MYH10: variants seen among roughly 807,000 people sequenced by gnomAD.
The protein encoded by MYH10 is myosin heavy chain 10.
Under a neutral mutation model 257.8 loss-of-function variants are expected in MYH10, and 55 were observed. The observed-to-expected ratio is 0.21, with a 90% CI of 0.17 to 0.27. The LOEUF is 0.27. Among genes scored for constraint, MYH10 ranks in the 10% least tolerant of loss-of-function variants. MYH10 has a pLI of 1.00. For missense variants in MYH10, 1,631 were observed against 2,500.6 expected, an observed-to-expected ratio of 0.65 and a Z score of 7.42; for synonymous variants, 854 against 921.7, an observed-to-expected ratio of 0.93 and a Z score of 1.33.
rs148529129 is a variant in MYH10 at position 8,509,249 on chromosome 17, T to C, written c.3090+563A>G. On this transcript the variant is annotated intron_variant, in intron 25 of 42. Transcript: ENST00000360416. ...GCCTACAGTATTCAGGACAGTAACATGCTGTACAAGTGTGTGGCCTAGATG... is the reference window on the plus strand; with the variant it reads ...GCCTACAGTATTCAGGACAGTAACACGCTGTACAAGTGTGTGGCCTAGATG... Among the ~76,000 whole-genome samples the C allele has an allele frequency of 1.8e-3, 270 of 152,374 alleles. 2 individuals carry two copies. The highest frequency in any genetic ancestry group is 3.4e-3 in the Non-Finnish European group (232 of 68,042).
chr17:8,478,454 A>G lies in MYH10; in HGVS notation c.5598-8T>C, dbSNP rs1380032355. 3 of 1,612,444 alleles carry G rather than the reference A, an allele frequency of 1.9e-6. No individual in the cohort carries two copies. Among genetic ancestry groups the G allele is most frequent in the Non-Finnish European group, 2.5e-6 (3 of 1,178,502 alleles). On this transcript the variant is annotated splice_region_variant and splice_polypyrimidine_tract_variant and intron_variant, in intron 40 of 42. Transcript: ENST00000360416. Reference sequence around the variant, plus strand: ...TTGGCGGCTGCTCGTTCCCTGTGAAAGTGGTCACAGTAGTTTTGAAATTCT... The same window carrying G: ...TTGGCGGCTGCTCGTTCCCTGTGAAGGTGGTCACAGTAGTTTTGAAATTCT...
intron 7 of MYH10, among the ~76,000 whole-genome samples, chr17:8,555,439 A>G (rs1441201687): frequency 6.6e-6 from 1 of 152,218 alleles, no homozygotes; most frequent in Non-Finnish European, 1.5e-5. Flanking sequence ...AAAGACAGAG[A>G]TACAGATTAG....
At chr17:8,610,982 TAG>T (rs2085016728) in intron 2 of MYH10, among the ~76,000 whole-genome samples, 3 of 152,240 alleles carry the variant, frequency 2.0e-5, no homozygotes, top group South Asian at 2.1e-4. Context: ...ATTTGATGAT[TAG>T]AGAATTGTTA....
chr17:8,605,727 A>G (rs1276682600), intron 2 of MYH10, among the ~76,000 whole-genome samples: 1 of 152,236 alleles, frequency 6.6e-6, no homozygotes, highest in Non-Finnish European at 1.5e-5. Context: ...CCTGGGTAAG[A>G]AAGTGAGACT....
chr17:8,570,782 T>G (rs2083306404), intron 6 of MYH10, among the ~76,000 whole-genome samples: 1 of 152,224 alleles, frequency 6.6e-6, no homozygotes, highest in Non-Finnish European at 1.5e-5. Context: ...GCATTTGGTA[T>G]GTGATGCACT....
rs1915616813 is a variant in MYH10 at position 8,490,616 on chromosome 17, C to T, written c.4672-64G>A. 1 of 1,542,686 alleles carries T rather than the reference C, an allele frequency of 6.5e-7. No individual in the cohort carries two copies. The highest frequency in any genetic ancestry group is 2.3e-5 in the East Asian group (1 of 44,300). ...GGAGGCACATATGAAGAACAGCAGT[C>T]TTACTGTTTTACAGGCCCACTCGTG... On this transcript the variant is annotated intron_variant, in intron 34 of 42. Coordinates refer to ENST00000360416, the MANE Select transcript of MYH10 (RefSeq NM_001256012.3). The surrounding 1 kb of genome is among the most constrained non-coding windows in gnomAD (Gnocchi z 4.1).
At chr17:8,505,978 C>CAA in intron 27 of MYH10, 8 of 145,624 alleles carry the variant, frequency 5.5e-5, no homozygotes, top group South Asian at 2.1e-4. Flanking sequence ...AGACTCCATT[C>CAA]AAAAAAAAAA....
intron 29 of MYH10, among the ~76,000 whole-genome samples, chr17:8,500,183 GC>G (rs1209295065): frequency 6.6e-6 from 1 of 152,184 alleles, no homozygotes; most frequent in African/African-American, 2.4e-5. Flanking sequence ...GTGGCATGTG[GC>G]TAGGCAAAGA....
intron 35 of MYH10, among the ~76,000 whole-genome samples, chr17:8,489,743 A>ACACACACACACACACACACC (rs1437818172): frequency 9.3e-5 from 14 of 150,256 alleles, no homozygotes; most frequent in South Asian, 6.3e-4. Flanking sequence ...ACACACACAC[A>ACACACACACACACACACACC]CACCCCAAAT....
In MYH10 at chr17:8,589,090, A is replaced by G. The variant is rs1403175415; in HGVS notation, c.521T>C (p.Ile174Thr). ...TTCAACATTTACTTACGTGCAAAGA[A>G]TTGACTGGTCCTCACGATCTATAAA... ...CMLQDREDQS[I>T]LCTGESGAGK... is the part of the protein sequence containing the mutation. Residue 174 changes from isoleucine (I) to threonine (T), a missense_variant, in exon 4 of 43, where the codon ATT becomes ACT. By Grantham distance (89) the Ile-to-Thr change is moderately conservative (BLOSUM62 -1). Around this residue, in one of 11 missense-constraint regions of MYH10, gnomAD observed 360 missense variants for 581.9 expected, o/e 0.62. Coordinates refer to ENST00000360416, the MANE Select transcript of MYH10 (RefSeq NM_001256012.3). The G allele has an allele frequency of 6.2e-7, 1 of 1,613,660 alleles. No individual in the cohort carries two copies. The highest frequency in any genetic ancestry group is 8.5e-7 in the Non-Finnish European group (1 of 1,179,802).
intron 4 of MYH10, among the ~76,000 whole-genome samples, chr17:8,582,754 C>A (rs189977260): frequency 1.6e-4 from 25 of 152,238 alleles, no homozygotes; most frequent in Admixed American, 7.8e-4. Context: ...ATCATTAATA[C>A]GTGACCAATT....
chr17:8,618,628 C>T (rs560795952), intron 2 of MYH10, among the ~76,000 whole-genome samples: 10 of 152,300 alleles, frequency 6.6e-5, no homozygotes, highest in South Asian at 2.1e-4. Context: ...TCAAAATCTA[C>T]GGTTTACCTT....
intron 2 of MYH10, among the ~76,000 whole-genome samples, chr17:8,606,237 G>A (rs1438576459): frequency 6.6e-6 from 1 of 152,066 alleles, no homozygotes; most frequent in African/African-American, 2.4e-5. Context: ...ATGACTTGCG[G>A]GTTTTTTAAA....
Position 8,497,146 on chromosome 17 carries a change from G to C in MYH10, c.3952-1905C>G, listed in dbSNP as rs997135386. On this transcript the variant is annotated intron_variant, in intron 30 of 42. Transcript: ENST00000360416. ...CCTTTCCTTTTACTGATTTTGCTTT[G>C]TATCTTTTCACTGTAATAAATCTTT... Among the ~76,000 whole-genome samples the C allele has an allele frequency of 3.3e-5, 5 of 152,222 alleles. No homozygotes were observed. In the South Asian group the frequency reaches 1.0e-3, roughly 32 times the overall value.
At chr17:8,592,937 A>C (rs1263687387) in intron 3 of MYH10, among the ~76,000 whole-genome samples, 1 of 81,632 alleles carries the variant, frequency 1.2e-5, no homozygotes, top group Non-Finnish European at 2.4e-5. Flanking sequence ...ATCCAGCTAT[A>C]TATATATATA....
intron 3 of MYH10, among the ~76,000 whole-genome samples, chr17:8,601,456 C>T (rs2084590507): frequency 6.6e-6 from 1 of 152,216 alleles, no homozygotes; most frequent in South Asian, 2.1e-4. Flanking sequence ...ACTATTTCCA[C>T]CCAGCACTTT....
At chr17:8,516,608 T>TC (rs1262940477) in intron 21 of MYH10, among the ~76,000 whole-genome samples, 4 of 152,320 alleles carry the variant, frequency 2.6e-5, no homozygotes, top group African/African-American at 9.6e-5. Context: ...AAGGTTTAGA[T>TC]CAATGAAAAA....
intron 34 of MYH10, 86 bp downstream of exon 34, chr17:8,492,211 C>T: frequency 7.3e-7 from 1 of 1,377,872 alleles, no homozygotes; most frequent in East Asian, 2.3e-5. Context: ...TCAGGCTCCC[C>T]TGAGGAGTCG....
intron 17 of MYH10, among the ~76,000 whole-genome samples, chr17:8,525,541 A>G (rs981442128): frequency 1.3e-5 from 2 of 152,226 alleles, no homozygotes; most frequent in Non-Finnish European, 2.9e-5. Context: ...AGAAGAACAA[A>G]TCACCACTAC....
Sources: allele counts gnomAD v4.1 joint callset (sites outside exome capture counted in the v4.1 genomes callset), GRCh38; gene constraint gnomAD v4.1.1; regional missense constraint gnomAD v4.1.1; non-coding constraint Gnocchi (gnomAD v3.1); transcripts MANE v1.5; gene names NCBI Gene and HGNC (gene_info 2026-07-23, HGNC 2026-07-21).